Variants in CD163L1 observed in about 807,000 individuals in gnomAD.
The protein encoded by CD163L1 is CD163 molecule like 1, also known as scavenger receptor cysteine-rich type 1 protein M160.
Under a neutral mutation model 165.4 loss-of-function variants are expected in CD163L1, and 124 were observed. The observed-to-expected ratio is 0.75, with a 90% CI of 0.65 to 0.87. The LOEUF (loss-of-function observed/expected upper bound fraction) is 0.87, where lower values mean the gene tolerates loss of function less well. Ranked by LOEUF, CD163L1 falls within the 40% of genes least tolerant of loss-of-function variation. The pLI is 0.00. For missense variants in CD163L1, 1,525 were observed against 1,799.9 expected (o/e 0.85, Z 2.76); for synonymous variants, 585 against 662.2 (o/e 0.88, Z 1.79).
Position 7,433,424 on chromosome 12 carries a change from CATT to C in CD163L1, c.392_394del (p.Glu131_Trp132delinsGly). 1.9e-6 allele frequency: 3 copies of C among 1,611,862 alleles called. No individual in the cohort carries two copies. Among genetic ancestry groups the C allele is most frequent in the Non-Finnish European group, 2.5e-6 (3 of 1,178,816 alleles). On this transcript the variant is annotated inframe_deletion, in exon 3 of 20. Transcript: ENST00000313599. The stretch of plus-strand genomic sequence containing the variant: ...TCCATGATAACAGTTATGGCTTCCC[CATT>C]CCCGGTGTTGACATTCCCAGAGAGC...
chr12:7,371,172 C>T (rs549425118), intron 14 of CD163L1, among the ~76,000 whole-genome samples: 1 of 152,150 alleles, frequency 6.6e-6, no homozygotes, highest in Non-Finnish European at 1.5e-5. Context: ...AACTGTGAGT[C>T]CATTAAGCCT....
Position 7,374,356 on chromosome 12 carries a change from T to G in CD163L1, c.3409+86A>C. On this transcript the variant is annotated intron_variant, in intron 13 of 19. Transcript: ENST00000313599. This position sits in a 1 kb window ranked among gnomAD's most constrained non-coding sequence, Gnocchi z 5.4. ...TTGTTTGTATTCCTAGGCCATACAC[T>G]TTTCACTACACTTTACAATTGTGTT... 1 of 1,416,634 alleles carries G rather than the reference T, an allele frequency of 7.1e-7. No individual in the cohort carries two copies. The highest frequency in any genetic ancestry group is 9.5e-7 in the Non-Finnish European group (1 of 1,048,428). The allele number at this position is 1,416,634 out of a possible 1,614,324, so 87.8% of individuals were successfully genotyped here.
intron 4 of CD163L1, among the ~76,000 whole-genome samples, chr12:7,348,548 G>A (rs1227327145): frequency 6.6e-6 from 1 of 152,004 alleles, no homozygotes; most frequent in Non-Finnish European, 1.5e-5. Context: ...AAACTGCCTG[G>A]GTTTGAATCC....
chr12:7,389,604 A>G (rs1054030982), intron 8 of CD163L1, among the ~76,000 whole-genome samples: 1 of 152,108 alleles, frequency 6.6e-6, no homozygotes, highest in Non-Finnish European at 1.5e-5. Flanking sequence ...TGATAGCACA[A>G]TAGGGTGACT....
intron 5 of CD163L1, among the ~76,000 whole-genome samples, chr12:7,405,714 A>C (rs942455037): frequency 1.3e-5 from 2 of 152,186 alleles, no homozygotes; most frequent in Non-Finnish European, 2.9e-5. Context: ...CATCCTGTGT[A>C]AGGCTGGTAA....
In CD163L1 at chr12:7,374,927, G is replaced by C. The variant is rs374850066; in HGVS notation, c.3002-4C>G. On this transcript the variant is annotated splice_region_variant and splice_polypyrimidine_tract_variant and intron_variant, in intron 11 of 19. Coordinates refer to ENST00000313599, the MANE Select transcript of CD163L1 (RefSeq NM_174941.6). This position sits in a 1 kb window ranked among gnomAD's most constrained non-coding sequence, Gnocchi z 5.4. ...AACAGTGGCTGGGTCAGGCTTCCTGGTGGAGGGTGCAGGAAATGGGGCAAA... is the reference window on the plus strand; with the variant it reads ...AACAGTGGCTGGGTCAGGCTTCCTGCTGGAGGGTGCAGGAAATGGGGCAAA... The C allele has an allele frequency of 9.9e-6, 16 of 1,613,944 alleles. No individual in the cohort carries two copies. The highest frequency in any genetic ancestry group is 1.7e-5 in the Admixed American group (1 of 60,000).
At position 7,437,898 on chromosome 12, in the gene CD163L1, T is replaced by TA. The variant is rs543607004; in HGVS notation, c.124+3255dup. On this transcript the variant is annotated intron_variant, in intron 2 of 19. Transcript: ENST00000313599. The stretch of plus-strand genomic sequence containing the variant: ...CCCTCTTTTAGGAATTTTATTATTA[T>TA]AAAAAAAAAAAAAGAAAATTCTAAG... Among the ~76,000 whole-genome samples the TA allele has an allele frequency of 3.4e-3, 462 of 137,632 alleles. 20 individuals carry two copies. In the East Asian group the frequency reaches 0.07, roughly 21 times the overall value. 90.3% of individuals were successfully genotyped at this position (137,632 alleles called of 152,430 possible). A position where few individuals can be genotyped will look rare whatever the true frequency, so the allele number is the denominator to read the frequency against.
chr12:7,328,307 C>T, the CD163L1 span: 16 of 1,590,082 alleles, frequency 1.0e-5, no homozygotes, highest in Admixed American at 1.8e-5. Flanking sequence ...TTCAAGAACT[C>T]CCAAAGACAA....
chr12:7,322,648 G>C, the CD163L1 span: 4 of 1,403,434 alleles, frequency 2.9e-6, no homozygotes, highest in African/African-American at 5.8e-5. Context: ...TTTTTATAGA[G>C]TTTCCCGGGA....
At chr12:7,410,627 C>T (rs755594894) in intron 4 of CD163L1, among the ~76,000 whole-genome samples, 2 of 135,524 alleles carry the variant, frequency 1.5e-5, no homozygotes, top group African/African-American at 5.7e-5. Flanking sequence ...AGGAGAGCGA[C>T]GAGACCATCC....
At chr12:7,343,881 C>T (rs1218002852), downstream of CD163L1, among the ~76,000 whole-genome samples, 1 of 152,174 alleles carries the variant, frequency 6.6e-6, no homozygotes, top group Non-Finnish European at 1.5e-5. Flanking sequence ...AGTCCCAAGT[C>T]CAACTTCAAA....
At chr12:7,395,169 C>T (rs1407772354) in intron 8 of CD163L1, among the ~76,000 whole-genome samples, 4 of 152,120 alleles carry the variant, frequency 2.6e-5, no homozygotes, top group Non-Finnish European at 4.4e-5. Context: ...GCACTATTCA[C>T]AATAGCAAAG....
At chr12:7,381,457 T>TA in intron 8 of CD163L1, among the ~76,000 whole-genome samples, 1 of 152,236 alleles carries the variant, frequency 6.6e-6, no homozygotes, top group South Asian at 2.1e-4. Context: ...AGCAGAAAAA[T>TA]AGAGTTGTAA....
chr12:7,355,713 A>G (rs1323027869), intron 19 of CD163L1, among the ~76,000 whole-genome samples: 1 of 152,136 alleles, frequency 6.6e-6, no homozygotes, highest in African/African-American at 2.4e-5. Flanking sequence ...AAATGAGGTC[A>G]CATGGGTGAG....
rs149034520 is a variant in CD163L1 at position 7,375,551 on chromosome 12, C to T, written c.2731G>A (p.Gly911Arg). ...RLVNGKSQCD[G>R]QVEINVLGHW... is the part of the protein sequence containing the mutation. The stretch of plus-strand genomic sequence containing the variant: ...CCAAGCACGTTGATCTCCACTTGCC[C>T]GTCACACTGGGATTTGCCATTCACA... Residue 911 changes from glycine to arginine, a missense_variant, in exon 11 of 20, where the codon GGG (glycine) becomes AGG (arginine). Coordinates refer to ENST00000313599, the MANE Select transcript of CD163L1 (RefSeq NM_174941.6). The T allele has an allele frequency of 7.9e-5, 128 of 1,613,414 alleles. No homozygotes were observed. The highest frequency in any genetic ancestry group is 1.0e-4 in the Non-Finnish European group (123 of 1,180,014).
rs1433219359 is a variant in CD163L1, at chr12:7,374,683, G to A, written c.3168C>T (p.Phe1056=). The A allele has an allele frequency of 1.2e-6, 2 of 1,614,236 alleles. No homozygotes were observed. The highest frequency in any genetic ancestry group is 2.2e-5 in the South Asian group (2 of 91,086). ...AGCCGTCATCACAGATGGTGCCCCA[G>A]AAGCCGTCGTGATAGATCTCTACTC... The part of the protein sequence containing the change: ...AGRVEIYHDG[F]WGTICDDGWD... The change falls in exon 13 of 20, where the codon TTC becomes TTT. Residue 1056 remains phenylalanine, a synonymous_variant. Transcript: ENST00000313599. This position sits in a 1 kb window ranked among gnomAD's most constrained non-coding sequence, Gnocchi z 5.4.
chr12:7,387,358 T>G (rs1249662703), intron 8 of CD163L1, among the ~76,000 whole-genome samples: 1 of 152,198 alleles, frequency 6.6e-6, no homozygotes, highest in Non-Finnish European at 1.5e-5. Flanking sequence ...TGAAGAGACA[T>G]CTCGTGCTTT....
intron 2 of CD163L1, chr12:7,439,527 C>G: frequency 6.3e-7 from 1 of 1,576,446 alleles, no homozygotes. Context: ...TTAATTTTTT[C>G]TTTTTCTTCT....
chr12:7,433,503 T>C lies in CD163L1; in HGVS notation c.316A>G (p.Arg106Gly). 2 of 1,614,210 alleles carry C rather than the reference T, an allele frequency of 1.2e-6. No homozygotes were observed. Among genetic ancestry groups the C allele is most frequent in the Non-Finnish European group, 1.7e-6 (2 of 1,180,036 alleles). The change falls in exon 3 of 20, where the codon AGA (arginine) becomes GGA (glycine). Residue 106 changes from arginine (R) to glycine (G), a missense_variant. Coordinates refer to ENST00000313599, the MANE Select transcript of CD163L1 (RefSeq NM_174941.6). The stretch of plus-strand genomic sequence containing the variant: ...TCATCAAGCCAAATTTTTCCATGTC[T>C]AGTCACGGCTTGTCCAAAACGAAAC... ...AMFRFGQAVTRHGKIWLDDVS... is the reference protein window; with the variant it reads ...AMFRFGQAVTGHGKIWLDDVS...
Sources: gnomAD v4.1 joint callset for allele counts (sites outside exome capture counted in the v4.1 genomes callset) on GRCh38, gnomAD v4.1.1 for gene constraint, Gnocchi (gnomAD v3.1) non-coding constraint, MANE v1.5 for transcripts, NCBI Gene and HGNC (gene_info 2026-07-23, HGNC 2026-07-21) for gene names.